Variants in FERMT2 observed in about 807,000 individuals in gnomAD.
FERMT2 encodes FERM domain containing kindlin 2.
In FERMT2, 15 loss-of-function variants were observed where a neutral mutation model predicts 82.7. That is an observed-to-expected ratio of 0.18 (90% confidence interval 0.12 to 0.28). The LOEUF (loss-of-function observed/expected upper bound fraction) is 0.28. Among genes scored for constraint, FERMT2 ranks in the 10% least tolerant of loss-of-function variants. The probability of loss-of-function intolerance (pLI) is 1.00; values close to 1 mark genes in which losing one functional copy is unlikely to be tolerated. For synonymous variants in FERMT2, 274 were observed against 271.5 expected (o/e 1.01, Z -0.09); for missense variants, 645 against 809.4 (o/e 0.80, Z 2.46).
intron 2 of FERMT2, among the ~76,000 whole-genome samples, chr14:52,925,951 G>C (rs118038754): frequency 6.6e-6 from 1 of 152,044 alleles, no homozygotes; most frequent in Non-Finnish European, 1.5e-5. Context: ...GCACAGATGC[G>C]GTAACTCTTG....
intron 14 of FERMT2, 71 bp downstream of exon 14, chr14:52,859,502 C>G: frequency 7.7e-7 from 1 of 1,305,042 alleles, no homozygotes; most frequent in Non-Finnish European, 1.0e-6. Context: ...AATTTATAGG[C>G]CTTTTTATTC....
At chr14:52,949,304 G>A (rs895989915) in intron 2 of FERMT2, among the ~76,000 whole-genome samples, 3 of 150,498 alleles carry the variant, frequency 2.0e-5, no homozygotes, top group African/African-American at 7.3e-5. Flanking sequence ...ATAATCCTTT[G>A]GTAAGAAATA....
At chr14:52,906,565 TAACTC>T (rs1217070329) in intron 3 of FERMT2, among the ~76,000 whole-genome samples, 2 of 151,880 alleles carry the variant, frequency 1.3e-5, no homozygotes, top group African/African-American at 4.8e-5. Context: ...GAAGCACAAA[TAACTC>T]AGATGATAAA....
Position 52,916,367 on chromosome 14 carries a change from A to G in FERMT2, c.391+2756T>C, listed in dbSNP as rs1888613192. ...CAAAAAAAAAAGAAGAAGAAAAGAA[A>G]AAAAAAAGAAATAAGCTATCAAGCC... On this transcript the variant is annotated intron_variant, in intron 3 of 14. Coordinates refer to ENST00000341590, the MANE Select transcript of FERMT2 (RefSeq NM_006832.3). Among the ~76,000 whole-genome samples, 2 of 151,868 alleles carry G rather than the reference A, an allele frequency of 1.3e-5. 1 individual carries two copies. The highest frequency in any genetic ancestry group is 2.9e-5 in the Non-Finnish European group (2 of 67,986).
chr14:52,891,116 C>T (rs958143748), intron 4 of FERMT2, among the ~76,000 whole-genome samples: 1 of 152,112 alleles, frequency 6.6e-6, no homozygotes, highest in East Asian at 1.9e-4. Flanking sequence ...AAATATGTTC[C>T]AATGTTATCC....
At chr14:52,900,040 T>C (rs1887529344) in intron 3 of FERMT2, among the ~76,000 whole-genome samples, 1 of 152,186 alleles carries the variant, frequency 6.6e-6, no homozygotes, top group African/African-American at 2.4e-5. Context: ...AAGCTAGCAT[T>C]TATGAGGCAC....
intron 2 of FERMT2, among the ~76,000 whole-genome samples, chr14:52,939,192 T>TAAAAAAAA (rs34395615): frequency 2.3e-5 from 2 of 86,038 alleles, no homozygotes; most frequent in African/African-American, 9.1e-5. Flanking sequence ...CCATCTCTAC[T>TAAAAAAAA]AAAAAAAAAA....
At chr14:52,874,126 C>T (rs1333986111) in intron 9 of FERMT2, 51 bp downstream of exon 9, 1 of 1,205,116 alleles carries the variant, frequency 8.3e-7, no homozygotes, top group African/African-American at 1.5e-5. Context: ...GTGACCATGA[C>T]TATAAAGCTG....
rs753136089 is a variant in FERMT2, at chr14:52,859,703, C to A, written c.1739G>T (p.Gly580Val). 6.3e-7 allele frequency: 1 copy of A among 1,591,562 alleles called. No individual in the cohort carries two copies. The highest frequency in any genetic ancestry group is 1.7e-5 in the Admixed American group (1 of 57,896). The change falls in exon 14 of 15, where the codon GGC (glycine) becomes GTC (valine). Residue 580 changes from glycine to valine, a missense_variant. By Grantham distance (109) the Gly-to-Val change is moderately radical (BLOSUM62 -3). Coordinates refer to ENST00000341590, the MANE Select transcript of FERMT2 (RefSeq NM_006832.3). ...ITHFIARFQG[G>V]KKEELIGIAY... is the part of the protein sequence containing the mutation. Reference sequence around the variant, plus strand: ...AATTCCAATAAGTTCTTCTTTTTTGCCCCCTTGGAACCTATAACATTTAAG... The same window carrying A: ...AATTCCAATAAGTTCTTCTTTTTTGACCCCTTGGAACCTATAACATTTAAG...
At chr14:52,909,286 C>T (rs1418561757) in intron 3 of FERMT2, among the ~76,000 whole-genome samples, 1 of 152,156 alleles carries the variant, frequency 6.6e-6, no homozygotes, top group Admixed American at 6.6e-5. Context: ...ATGAGGGCTA[C>T]TCAACCCACG....
At chr14:52,906,534 G>C (rs1287757485) in intron 3 of FERMT2, among the ~76,000 whole-genome samples, 1 of 150,588 alleles carries the variant, frequency 6.6e-6, no homozygotes, top group African/African-American at 2.4e-5. Flanking sequence ...CACATAGTCA[G>C]GAGTAAAGGG....
intron 2 of FERMT2, among the ~76,000 whole-genome samples, chr14:52,934,381 AAACTT>A (rs1473339634): frequency 5.3e-5 from 8 of 152,212 alleles, no homozygotes; most frequent in Non-Finnish European, 1.2e-4. Flanking sequence ...TTCTTTGTGA[AAACTT>A]AACAAGAATA....
chr14:52,916,552 C>G (rs1028349099), intron 3 of FERMT2, among the ~76,000 whole-genome samples: 1 of 152,032 alleles, frequency 6.6e-6, no homozygotes, highest in Non-Finnish European at 1.5e-5. Context: ...GATGAATAGG[C>G]AGAGCACAGA....
Position 52,878,593 on chromosome 14 carries a change from C to T in FERMT2, c.952G>A (p.Ala318Thr). Residue 318 changes from alanine (A) to threonine (T), a missense_variant, in exon 7 of 15, where the codon GCA becomes ACA. Ala to Thr is a moderately conservative substitution (Grantham distance 58, BLOSUM62 0). Transcript: ENST00000341590. ...GACCTTTCAACTACCTGCAGGGCTG[C>T]AAACATCATCATTTCTTCTTCTGTG... ...ECTEEEMMMF[A>T]ALQYHINKLS... is the part of the protein sequence containing the mutation. 1 of 1,608,330 alleles carries T rather than the reference C, an allele frequency of 6.2e-7. No homozygotes were observed. The highest frequency in any genetic ancestry group is 2.2e-5 in the East Asian group (1 of 44,692).
At chr14:52,888,946 T>TA (rs571713623) in intron 4 of FERMT2, among the ~76,000 whole-genome samples, 354 of 152,300 alleles carry the variant, frequency 2.3e-3, no homozygotes, top group African/African-American at 8.3e-3. Flanking sequence ...ACGTATTTGC[T>TA]AAAATTATGG....
intron 6 of FERMT2, among the ~76,000 whole-genome samples, chr14:52,880,543 C>T (rs890435655): frequency 1.3e-5 from 2 of 152,066 alleles, no homozygotes; most frequent in South Asian, 2.1e-4. Context: ...GCATTACCAG[C>T]GTGTGCCACC....
At position 52,919,201 on chromosome 14, in the gene FERMT2, T is replaced by A; in HGVS notation, c.313A>T (p.Asn105Tyr). Residue 105 changes from asparagine (N) to tyrosine (Y), a missense_variant, in exon 3 of 15, where the codon AAC becomes TAC. Coordinates refer to ENST00000341590, the MANE Select transcript of FERMT2 (RefSeq NM_006832.3). The part of the protein sequence containing the change: ...QHKLLRLQLP[N>Y]MKYVKVKVNF... ...ACTTTCACCTTCACATACTTCATGT[T>A]GGGAAGCTGCAGGCGGAGCAGTTTG... 1 of 1,614,112 alleles carries A rather than the reference T, an allele frequency of 6.2e-7. No individual in the cohort carries two copies. Among genetic ancestry groups the A allele is most frequent in the Non-Finnish European group, 8.5e-7 (1 of 1,180,004 alleles).
intron 3 of FERMT2, among the ~76,000 whole-genome samples, chr14:52,896,709 A>T (rs1216267943): frequency 6.6e-6 from 1 of 152,196 alleles, no homozygotes; most frequent in Non-Finnish European, 1.5e-5. Flanking sequence ...AACAACAGAG[A>T]CCTGGCACAG....
intron 2 of FERMT2, among the ~76,000 whole-genome samples, chr14:52,948,949 AAAT>A (rs1890485777): frequency 6.6e-6 from 1 of 152,216 alleles, no homozygotes; most frequent in African/African-American, 2.4e-5. Flanking sequence ...TTTCCTTCTT[AAAT>A]AATCTCATAC....
Sources: gnomAD v4.1 joint callset for allele counts (sites outside exome capture counted in the v4.1 genomes callset) on GRCh38, gnomAD v4.1.1 for gene constraint, MANE v1.5 for transcripts, NCBI Gene and HGNC (gene_info 2026-07-23, HGNC 2026-07-21) for gene names.